RAB3IP: variants seen among roughly 807,000 people sequenced by gnomAD.
RAB3IP encodes RAB3A interacting protein, also known as rab-3A-interacting protein.
RAB3IP carries 36 observed loss-of-function variants against 59.1 expected under a neutral mutation model. The ratio of observed to expected loss-of-function variants is 0.61; its 90% CI spans 0.47 to 0.80. RAB3IP has a LOEUF of 0.80. Ranked by LOEUF, RAB3IP falls within the 30% of genes least tolerant of loss-of-function variation. The pLI is 0.00. For synonymous variants in RAB3IP, 207 were observed against 191.2 expected (o/e 1.08, Z -0.68); for missense variants, 511 against 536.0 (o/e 0.95, Z 0.46).
chr12:69,800,841 G>C (rs1426613109), intron 7 of RAB3IP, among the ~76,000 whole-genome samples: 2 of 152,122 alleles, frequency 1.3e-5, no homozygotes, highest in Admixed American at 6.5e-5. Flanking sequence ...ATTTAAAGCT[G>C]TAATTTTAAT....
chr12:69,789,863 G>A (rs540303504), intron 4 of RAB3IP, among the ~76,000 whole-genome samples: 2 of 152,164 alleles, frequency 1.3e-5, no homozygotes, highest in East Asian at 1.9e-4. Context: ...AGCAGAAAAA[G>A]CATTTGACAA....
rs1458451984 is a variant in RAB3IP at position 69,819,010 on chromosome 12, A to T, written c.*3564A>T. ...AGATCCTTGAGGCCAGTTCAAGGCT[A>T]TAGTGTGCTATGATTTCACCTGTGA... On this transcript the variant is annotated 3_prime_UTR_variant, in exon 11 of 11. Coordinates refer to ENST00000247833, the MANE Select transcript of RAB3IP (RefSeq NM_022456.5). 2.0e-5 allele frequency: 3 copies of T among 152,192 alleles called. No homozygotes were observed. The highest frequency in any genetic ancestry group is 7.2e-5 in the African/African-American group (3 of 41,442). The allele number at this position is 152,192 out of a possible 1,614,324, so 9.4% of individuals were successfully genotyped here. A position where few individuals can be genotyped will look rare whatever the true frequency, so the allele number is the denominator to read the frequency against.
intron 8 of RAB3IP, among the ~76,000 whole-genome samples, chr12:69,810,407 C>A (rs1412630069): frequency 3.9e-5 from 6 of 152,152 alleles, no homozygotes; most frequent in Admixed American, 3.9e-4. Flanking sequence ...CTGGGAGAAC[C>A]ACTGCTCTCT....
intron 7 of RAB3IP, among the ~76,000 whole-genome samples, chr12:69,801,325 A>G (rs1878338456): frequency 6.6e-6 from 1 of 152,224 alleles, no homozygotes. Context: ...AACTGTGGAT[A>G]TTAATCGTGG....
chr12:69,794,875 A>G (rs184013626), intron 5 of RAB3IP, among the ~76,000 whole-genome samples: 3 of 152,226 alleles, frequency 2.0e-5, no homozygotes, highest in African/African-American at 7.2e-5. Context: ...ATAAGCTATT[A>G]TATTTTGAGG....
chr12:69,753,963 A>G (rs1869750578), intron 1 of RAB3IP, among the ~76,000 whole-genome samples: 1 of 152,108 alleles, frequency 6.6e-6, no homozygotes, highest in South Asian at 2.1e-4. Context: ...CATATGTGGT[A>G]TTGTTAGTGG....
In RAB3IP at chr12:69,749,339, C is replaced by T. The variant is rs201616452; in HGVS notation, c.-25-6045C>T. ...GATCTGAGGTGGAACAGTTTCATCCCGAAACCATCTCCTCCCACCCTCTGC... is the reference window on the plus strand; with the variant it reads ...GATCTGAGGTGGAACAGTTTCATCCTGAAACCATCTCCTCCCACCCTCTGC... On this transcript the variant is annotated intron_variant, in intron 1 of 10. Transcript: ENST00000247833. Among the ~76,000 whole-genome samples the T allele has an allele frequency of 6.6e-5, 10 of 152,304 alleles. 1 individual carries two copies. The East Asian group carries it at 1.2e-3, about 18-fold the overall frequency.
At position 69,795,108 on chromosome 12, in the gene RAB3IP, T is replaced by C. The variant is rs1216730624; in HGVS notation, c.685-33T>C. 10 of 1,517,908 alleles carry C rather than the reference T, an allele frequency of 6.6e-6. No individual in the cohort carries two copies. The South Asian group carries it at 9.2e-5, about 14-fold the overall frequency. 94.0% of individuals were successfully genotyped at this position (1,517,908 alleles called of 1,614,324 possible). ...AGCTGCATATGTCATGAAACGTATT[T>C]AATGTATGTGACTATGTTGATTTCT... On this transcript the variant is annotated intron_variant, in intron 5 of 10. Coordinates refer to ENST00000247833, the MANE Select transcript of RAB3IP (RefSeq NM_022456.5).
At chr12:69,749,429 T>C (rs1478318155) in intron 1 of RAB3IP, among the ~76,000 whole-genome samples, 1 of 152,206 alleles carries the variant, frequency 6.6e-6, no homozygotes, top group East Asian at 1.9e-4. Flanking sequence ...TGGGGACTGC[T>C]GTTATGTAGT....
chr12:69,789,647 G>A (rs2136217721), intron 4 of RAB3IP, among the ~76,000 whole-genome samples: 1 of 152,112 alleles, frequency 6.6e-6, no homozygotes, highest in East Asian at 1.9e-4. Flanking sequence ...AAAACTATGG[G>A]CCAATATTCT....
In RAB3IP at chr12:69,795,119, A is replaced by G. The variant is rs577465780; in HGVS notation, c.685-22A>G. 8.2e-5 allele frequency: 129 copies of G among 1,580,206 alleles called. No homozygotes were observed. The South Asian group carries it at 1.2e-3, about 15-fold the overall frequency. Reference sequence around the variant, plus strand: ...TCATGAAACGTATTTAATGTATGTGACTATGTTGATTTCTTTCCAAGATTG... The same window carrying G: ...TCATGAAACGTATTTAATGTATGTGGCTATGTTGATTTCTTTCCAAGATTG... On this transcript the variant is annotated intron_variant, in intron 5 of 10. Transcript: ENST00000247833.
rs1331605081 is a variant in RAB3IP at position 69,755,430 on chromosome 12, G to A, written c.22G>A (p.Gly8Ser). 2 of 1,614,042 alleles carry A rather than the reference G, an allele frequency of 1.2e-6. No individual in the cohort carries two copies. Among genetic ancestry groups the A allele is most frequent in the Middle Eastern group, 1.6e-4 (1 of 6,062 alleles). Residue 8 changes from glycine to serine, a missense_variant, in exon 2 of 11, where the codon GGC (glycine) becomes AGC (serine). Transcript: ENST00000247833. ...TGCTATGGCTAATGATCCCTTGGAA[G>A]GCTTCCATGAAGTAAACCTTGCTTC... is the stretch of plus-strand genomic sequence containing the variant. MANDPLE[G>S]FHEVNLASPT...
intron 8 of RAB3IP, among the ~76,000 whole-genome samples, chr12:69,807,400 G>A (rs1477705753): frequency 9.5e-5 from 14 of 147,924 alleles, no homozygotes; most frequent in African/African-American, 3.5e-4. Context: ...GCCGGGAAGA[G>A]GCGCCCCTCA....
rs145772211 is a variant in RAB3IP at position 69,783,503 on chromosome 12, G to A, written c.511-1217G>A. 4.5e-4 allele frequency among the ~76,000 whole-genome samples: 69 copies of A among 152,140 alleles called. No homozygotes were observed. In the East Asian group the frequency reaches 0.011, roughly 25 times the overall value. ...TTTTTTCCCCTTAGGGTGAGACTCCGTCCTTCTGGTGAGGGCTCTTTGTTA... is the reference window on the plus strand; with the variant it reads ...TTTTTTCCCCTTAGGGTGAGACTCCATCCTTCTGGTGAGGGCTCTTTGTTA... On this transcript the variant is annotated intron_variant, in intron 3 of 10. Transcript: ENST00000247833.
At chr12:69,754,369 A>ACACT (rs1869848859) in intron 1 of RAB3IP, among the ~76,000 whole-genome samples, 1 of 151,426 alleles carries the variant, frequency 6.6e-6, no homozygotes, top group Non-Finnish European at 1.5e-5. Context: ...ACACACACAC[A>ACACT]CTGTGTATAT....
At chr12:69,739,567 CGAGGCACCGTGCT>C in intron 1 of RAB3IP, 1 of 517,696 alleles carries the variant, frequency 1.9e-6, no homozygotes, top group Non-Finnish European at 3.5e-6. Context: ...AAACTACGCG[CGAGGCACCGTGCT>C]GAGGCGTAGA....
intron 3 of RAB3IP, among the ~76,000 whole-genome samples, chr12:69,765,065 A>G (rs1304748212): frequency 1.3e-5 from 2 of 152,218 alleles, no homozygotes; most frequent in Admixed American, 6.5e-5. Context: ...TTCTTCAGGT[A>G]TAAAATCATA....
chr12:69,788,342 G>T (rs1876048842), intron 4 of RAB3IP, among the ~76,000 whole-genome samples: 1 of 152,012 alleles, frequency 6.6e-6, no homozygotes, highest in South Asian at 2.1e-4. Flanking sequence ...ATTGCTCCTG[G>T]GCTACAAACC....
Position 69,794,494 on chromosome 12 carries a change from C to A in RAB3IP, c.664C>A (p.Leu222Ile). 6.2e-7 allele frequency: 1 copy of A among 1,612,446 alleles called. No individual in the cohort carries two copies. Among genetic ancestry groups the A allele is most frequent in the Non-Finnish European group, 8.5e-7 (1 of 1,179,148 alleles). ...NIKQATAEKQ[L>I]KEAQGKIDVL... ...CAAGCAGGCAACAGCAGAAAAACAG[C>A]TAAAAGAAGCACAAGGAAAAGTGAG... The change falls in exon 5 of 11, where the codon CTA (leucine) becomes ATA (isoleucine). Residue 222 changes from leucine to isoleucine, a missense_variant. Coordinates refer to ENST00000247833, the MANE Select transcript of RAB3IP (RefSeq NM_022456.5).
Sources: allele counts gnomAD v4.1 joint callset (sites outside exome capture counted in the v4.1 genomes callset), GRCh38; gene constraint gnomAD v4.1.1; transcripts MANE v1.5; gene names NCBI Gene and HGNC (gene_info 2026-07-23, HGNC 2026-07-21).